Variants in PCDHGA5 observed in about 807,000 individuals in gnomAD.
PCDHGA5 encodes the protein protocadherin gamma subfamily A, 5, also known as protocadherin gamma-A5.
PCDHGA5 carries 36 observed loss-of-function variants against 56.7 expected under a neutral mutation model. The ratio of observed to expected loss-of-function variants is 0.64; its 90% CI spans 0.49 to 0.84. The LOEUF is 0.84. Ranked by LOEUF, PCDHGA5 falls within the 40% of genes least tolerant of loss-of-function variation. PCDHGA5 has a pLI of 0.00. For synonymous variants in PCDHGA5, 563 were observed against 520.2 expected (o/e 1.08, Z -1.12); for missense variants, 1,305 against 1,201.5 (o/e 1.09, Z -1.27).
rs766885846 is a variant in PCDHGA5 at position 141,393,434 on chromosome 5, TCAC to T, written c.2421+26688_2421+26690del. The stretch of plus-strand genomic sequence containing the variant: ...CCCTGGACAGGGAGGAAGAGGCTGC[TCAC>T]CACCTGGTCCTCACGGCCTCGGATG... On this transcript the variant is annotated intron_variant, in intron 1 of 3. Coordinates refer to ENST00000518069, the MANE Select transcript of PCDHGA5 (RefSeq NM_018918.3). 11 of 1,613,902 alleles carry T rather than the reference TCAC, an allele frequency of 6.8e-6. No individual in the cohort carries two copies. The African/African-American group carries it at 1.2e-4, about 18-fold the overall frequency.
At chr5:141,375,760 G>A (rs779640846) in intron 1 of PCDHGA5, 3 of 1,614,236 alleles carry the variant, frequency 1.9e-6, no homozygotes, top group African/African-American at 2.7e-5. Context: ...ATGACAATGC[G>A]CCCGAGATCC....
At chr5:141,408,967 G>GC in intron 1 of PCDHGA5, 2 of 1,613,782 alleles carry the variant, frequency 1.2e-6, no homozygotes, top group Non-Finnish European at 1.7e-6. Context: ...GTGAAAATCT[G>GC]CCCCCTGGGT....
chr5:141,372,633 A>C, intron 1 of PCDHGA5: 1 of 1,613,996 alleles, frequency 6.2e-7, no homozygotes, highest in Middle Eastern at 1.6e-4. Flanking sequence ...CAGCGAAAGG[A>C]CTTTGCCTTA....
At chr5:141,383,382 T>C in intron 1 of PCDHGA5, 1 of 1,614,050 alleles carries the variant, frequency 6.2e-7, no homozygotes, top group East Asian at 2.2e-5. Context: ...GGGATCCAGA[T>C]GTGGGCACGA....
At chr5:141,403,317 A>G (rs576274199) in intron 1 of PCDHGA5, 2 of 1,613,974 alleles carry the variant, frequency 1.2e-6, no homozygotes, top group South Asian at 2.2e-5. Flanking sequence ...ATAGAAATAG[A>G]AGTAACTGAT....
intron 2 of PCDHGA5, among the ~76,000 whole-genome samples, chr5:141,501,365 A>G (rs1360125423): frequency 1.3e-5 from 2 of 151,500 alleles, no homozygotes; most frequent in Admixed American, 6.6e-5. Flanking sequence ...AACCATATTC[A>G]TCATCTCTTA....
chr5:141,408,667 C>T, intron 1 of PCDHGA5: 1 of 1,613,954 alleles, frequency 6.2e-7, no homozygotes, highest in Non-Finnish European at 8.5e-7. Flanking sequence ...TATCGCTTGA[C>T]CCTGCCACGG....
intron 1 of PCDHGA5, among the ~76,000 whole-genome samples, chr5:141,472,980 C>CAAAAAAAAAAAAAAAAAGAAAAAA (rs2099309731): frequency 2.3e-5 from 2 of 86,106 alleles, no homozygotes; most frequent in Non-Finnish European, 5.0e-5. Flanking sequence ...GAGTGAAACT[C>CAAAAAAAAAAAAAAAAAGAAAAAA]AAAAAAAAAA....
At position 141,422,850 on chromosome 5, in the gene PCDHGA5, G is replaced by A. The variant is rs184432819; in HGVS notation, c.2421+56099G>A. On this transcript the variant is annotated intron_variant, in intron 1 of 3. Transcript: ENST00000518069. Reference sequence around the variant, plus strand: ...TGATAGCACGTGACAGCGGGGACCCGCCCCTCAGCAGCAACGTGTCGCTGA... The same window carrying A: ...TGATAGCACGTGACAGCGGGGACCCACCCCTCAGCAGCAACGTGTCGCTGA... 154 of 1,614,204 alleles carry A rather than the reference G, an allele frequency of 9.5e-5. 1 individual carries two copies. The African/African-American group carries it at 1.3e-3, about 14-fold the overall frequency.
intron 1 of PCDHGA5, chr5:141,389,409 A>G: frequency 6.2e-7 from 1 of 1,613,590 alleles, no homozygotes; most frequent in Admixed American, 1.7e-5. Context: ...AAGCGCGGAG[A>G]GCGGGGTGGT....
intron 1 of PCDHGA5, chr5:141,421,355 G>C (rs1561793348): frequency 6.2e-7 from 1 of 1,613,990 alleles, no homozygotes. Flanking sequence ...ACCGAAAAGG[G>C]CTCCTTCGTG....
At chr5:141,417,859 G>T (rs925593025) in intron 1 of PCDHGA5, 10 of 1,548,090 alleles carry the variant, frequency 6.5e-6, no homozygotes, top group African/African-American at 2.7e-5. Context: ...CCGAGCGAAC[G>T]ATGGGAGGGA....
chr5:141,409,273 G>A, intron 1 of PCDHGA5: 1 of 1,613,958 alleles, frequency 6.2e-7, no homozygotes, highest in South Asian at 1.1e-5. Context: ...ATCAGATTTT[G>A]GAGAATTCAC....
In PCDHGA5 at chr5:141,490,296, G is replaced by T; in HGVS notation, c.2422-4511G>T. The stretch of plus-strand genomic sequence containing the variant: ...ATGACAATGCCCCAGAGGTGCTATT[G>T]GCCTCTTTGGCCAACCCTGTCCTAG... On this transcript the variant is annotated intron_variant, in intron 1 of 3. Coordinates refer to ENST00000518069, the MANE Select transcript of PCDHGA5 (RefSeq NM_018918.3). This position sits in a 1 kb window ranked among gnomAD's most constrained non-coding sequence, Gnocchi z 5.4. 6.2e-7 allele frequency: 1 copy of T among 1,614,184 alleles called. No homozygotes were observed. Among genetic ancestry groups the T allele is most frequent in the South Asian group, 1.1e-5 (1 of 91,084 alleles).
At position 141,485,305 on chromosome 5, in the gene PCDHGA5, T is replaced by C. The variant is rs1344645695; in HGVS notation, c.2422-9502T>C. The C allele has an allele frequency of 3.7e-6, 6 of 1,614,000 alleles. No individual in the cohort carries two copies. In the East Asian group the frequency reaches 1.3e-4, roughly 36 times the overall value. Reference sequence around the variant, plus strand: ...CAGAGGAGTCACAGGAAGGGACTTTTGTAGGGAATGTCGCTCAAGATTTCC... The same window carrying C: ...CAGAGGAGTCACAGGAAGGGACTTTCGTAGGGAATGTCGCTCAAGATTTCC... On this transcript the variant is annotated intron_variant, in intron 1 of 3. Coordinates refer to ENST00000518069, the MANE Select transcript of PCDHGA5 (RefSeq NM_018918.3). This position sits in a 1 kb window ranked among gnomAD's most constrained non-coding sequence, Gnocchi z 5.7.
In PCDHGA5 at chr5:141,418,521, C is replaced by G. The variant is rs1246716171; in HGVS notation, c.2421+51770C>G. The G allele has an allele frequency of 3.7e-6, 6 of 1,613,840 alleles. No individual in the cohort carries two copies. The Admixed American group carries it at 1.0e-4, about 27-fold the overall frequency. On this transcript the variant is annotated intron_variant, in intron 1 of 3. Coordinates refer to ENST00000518069, the MANE Select transcript of PCDHGA5 (RefSeq NM_018918.3). ...ACCGCCTTAGATGGTGGGGACCCTC[C>G]CCGAAGCGGTACTGCTCAGATAAGA...
chr5:141,408,878 G>A lies in PCDHGA5; in HGVS notation c.2421+42127G>A. The stretch of plus-strand genomic sequence containing the variant: ...AGGGGACCCACCAAGAAGTGCCACC[G>A]CTCACATAGAAATTTCTGTCAAGGA... On this transcript the variant is annotated intron_variant, in intron 1 of 3. Coordinates refer to ENST00000518069, the MANE Select transcript of PCDHGA5 (RefSeq NM_018918.3). 1.9e-6 allele frequency: 3 copies of A among 1,613,048 alleles called. No homozygotes were observed. Among genetic ancestry groups the A allele is most frequent in the Non-Finnish European group, 1.7e-6 (2 of 1,179,590 alleles).
intron 1 of PCDHGA5, chr5:141,399,141 C>G: frequency 6.2e-7 from 1 of 1,613,778 alleles, no homozygotes; most frequent in Non-Finnish European, 8.5e-7. Flanking sequence ...ATGAAAATGA[C>G]AATAGCCCAG....
chr5:141,475,542 G>A (rs1182059354), intron 1 of PCDHGA5, among the ~76,000 whole-genome samples: 1 of 152,174 alleles, frequency 6.6e-6, no homozygotes, highest in East Asian at 1.9e-4. Flanking sequence ...TTACAAGTAG[G>A]GTCCGGCTAA....
Sources: allele counts gnomAD v4.1 joint callset (sites outside exome capture counted in the v4.1 genomes callset), GRCh38; gene constraint gnomAD v4.1.1; non-coding constraint Gnocchi (gnomAD v3.1); transcripts MANE v1.5; gene names NCBI Gene and HGNC (gene_info 2026-07-23, HGNC 2026-07-21).